PFKFB3: variants seen among roughly 807,000 people sequenced by gnomAD.
PFKFB3 encodes 6-phosphofructo-2-kinase/fructose-2,6-biphosphatase 3, also known as 6-phosphofructo-2-kinase/fructose-2,6-bisphosphatase 3.
PFKFB3 carries 33 observed loss-of-function variants against 68.0 expected under a neutral mutation model. That is an observed-to-expected ratio of 0.49 (90% CI 0.37 to 0.65). The LOEUF is 0.65. Among genes scored for constraint, PFKFB3 ranks in the 30% least tolerant of loss-of-function variants. PFKFB3 has a pLI of 0.00. For missense variants in PFKFB3, 586 were observed against 712.2 expected (o/e 0.82, Z 2.02); for synonymous variants, 315 against 288.2 (o/e 1.09, Z -0.94).
At chr10:6,199,340 G>A (rs1843256908), upstream of PFKFB3, among the ~76,000 whole-genome samples, 1 of 152,194 alleles carries the variant, frequency 6.6e-6, no homozygotes. Context: ...GCATTTGGAA[G>A]CACTGGTAGG....
chr10:6,180,302 G>A (rs1842674317), intron 1 of PFKFB3, among the ~76,000 whole-genome samples: 1 of 152,216 alleles, frequency 6.6e-6, no homozygotes, highest in Non-Finnish European at 1.5e-5. Flanking sequence ...CAATCAGATT[G>A]AGGGGGACCA....
chr10:6,325,131 T>G, the PFKFB3 span, among the ~76,000 whole-genome samples: 1 of 152,066 alleles, frequency 6.6e-6, no homozygotes, highest in Non-Finnish European at 1.5e-5. Flanking sequence ...AACTGCTAAT[T>G]TTTTGTATTT....
chr10:6,236,293 C>A (rs1400188557), downstream of PFKFB3, among the ~76,000 whole-genome samples: 3 of 152,226 alleles, frequency 2.0e-5, no homozygotes, highest in Admixed American at 6.5e-5. Flanking sequence ...TATTTCACTT[C>A]CAGCCTCAGC....
At chr10:6,196,849 C>A (rs1843188860) in intron 1 of PFKFB3, among the ~76,000 whole-genome samples, 1 of 152,154 alleles carries the variant, frequency 6.6e-6, no homozygotes, top group East Asian at 1.9e-4. Context: ...GCTATGTTGC[C>A]CAGGCTGGTC....
At chr10:6,200,849 A>G (rs997295782), upstream of PFKFB3, among the ~76,000 whole-genome samples, 1 of 151,978 alleles carries the variant, frequency 6.6e-6, no homozygotes, top group Admixed American at 6.6e-5. Flanking sequence ...CGGGACATCA[A>G]CTCCCTGTGC....
intron 1 of PFKFB3, among the ~76,000 whole-genome samples, chr10:6,195,107 A>G (rs1843141699): frequency 2.6e-5 from 4 of 152,076 alleles, no homozygotes; most frequent in Admixed American, 2.6e-4. Flanking sequence ...CCTGAGCTAA[A>G]GTGATCTGCC....
the PFKFB3 span, among the ~76,000 whole-genome samples, chr10:6,315,629 A>T: frequency 2.7e-3 from 413 of 152,222 alleles, 4 homozygotes; most frequent in African/African-American, 9.3e-3. Context: ...GATTATAGAC[A>T]TGCACCGCCA....
At chr10:6,199,891 C>G, upstream of PFKFB3, among the ~76,000 whole-genome samples, 1 of 151,850 alleles carries the variant, frequency 6.6e-6, no homozygotes, top group South Asian at 2.1e-4. Context: ...CTCAATTGTT[C>G]TAGGTGAGTC....
chr10:6,200,997 A>T (rs979086748), upstream of PFKFB3, among the ~76,000 whole-genome samples: 1 of 152,182 alleles, frequency 6.6e-6, no homozygotes, highest in African/African-American at 2.4e-5. Flanking sequence ...GGAGTGTGGA[A>T]GAAGGCCCCC....
intron 1 of PFKFB3, among the ~76,000 whole-genome samples, chr10:6,205,933 GACTA>G (rs959991578): frequency 6.6e-6 from 1 of 151,662 alleles, no homozygotes; most frequent in Non-Finnish European, 1.5e-5. Flanking sequence ...CAGTAGCCGG[GACTA>G]TAAGTGTGCA....
the PFKFB3 span, among the ~76,000 whole-genome samples, chr10:6,283,551 G>GATGGAGGCTT: frequency 3.3e-5 from 5 of 152,286 alleles, no homozygotes; most frequent in Admixed American, 6.5e-5. Flanking sequence ...GATGGAGGCT[G>GATGGAGGCTT]GAAGACTCAG....
At chr10:6,180,803 T>C (rs1842691124) in intron 1 of PFKFB3, among the ~76,000 whole-genome samples, 1 of 152,180 alleles carries the variant, frequency 6.6e-6, no homozygotes, top group South Asian at 2.1e-4. Context: ...TGCAATTCTG[T>C]GTTCTGAGTG....
chr10:6,295,854 G>A, the PFKFB3 span, among the ~76,000 whole-genome samples: 1 of 152,164 alleles, frequency 6.6e-6, no homozygotes, highest in African/African-American at 2.4e-5. Flanking sequence ...ATGGAGACCT[G>A]GTGGAATTCC....
upstream of PFKFB3, among the ~76,000 whole-genome samples, chr10:6,198,489 ATAAT>A (rs962202987): frequency 2.0e-5 from 3 of 152,158 alleles, no homozygotes; most frequent in Non-Finnish European, 4.4e-5. Flanking sequence ...TAGAAAAATA[ATAAT>A]TTTTTTTGAG....
At chr10:6,251,643 G>A (rs1846383949) in intron 14 of PFKFB3, among the ~76,000 whole-genome samples, 1 of 152,144 alleles carries the variant, frequency 6.6e-6, no homozygotes, top group African/African-American at 2.4e-5. Flanking sequence ...GCAGAGAGGA[G>A]GGCAGTGTCA....
Position 6,202,934 on chromosome 10 carries a change from C to T in PFKFB3, c.-327C>T. 1 of 1,222,422 alleles carries T rather than the reference C, an allele frequency of 8.2e-7. No homozygotes were observed. Among genetic ancestry groups the T allele is most frequent in the Middle Eastern group, 3.3e-4 (1 of 3,058 alleles). 75.7% of individuals were successfully genotyped at this position (1,222,422 alleles called of 1,614,324 possible). A position where few individuals can be genotyped will look rare whatever the true frequency, so the allele number is the denominator to read the frequency against. ...GCCGGCGGTGCGCGGGGCATCCCAGCCAAGCCGGAGAGGAGGCGAGCAGCA... is the reference window on the plus strand; with the variant it reads ...GCCGGCGGTGCGCGGGGCATCCCAGTCAAGCCGGAGAGGAGGCGAGCAGCA... On this transcript the variant is annotated 5_prime_UTR_variant, in exon 1 of 15. Coordinates refer to ENST00000379775, the MANE Select transcript of PFKFB3 (RefSeq NM_004566.4).
chr10:6,157,459 C>T (rs1450798515), intron 1 of PFKFB3, among the ~76,000 whole-genome samples: 1 of 152,168 alleles, frequency 6.6e-6, no homozygotes, highest in Non-Finnish European at 1.5e-5. Flanking sequence ...ATCTCCTGAC[C>T]TCGTGATCCG....
chr10:6,264,859 GTCTC>G, the PFKFB3 span, among the ~76,000 whole-genome samples: 3 of 152,070 alleles, frequency 2.0e-5, no homozygotes, highest in Non-Finnish European at 4.4e-5. Flanking sequence ...AACAAAGAGA[GTCTC>G]TCATATAACC....
downstream of PFKFB3, among the ~76,000 whole-genome samples, chr10:6,239,498 G>A (rs1846093663): frequency 6.6e-6 from 1 of 152,166 alleles, no homozygotes; most frequent in African/African-American, 2.4e-5. Flanking sequence ...CTGGGGCTGT[G>A]GAGAGGTTTG....
Sources: gnomAD v4.1 joint callset for allele counts (sites outside exome capture counted in the v4.1 genomes callset) on GRCh38, gnomAD v4.1.1 for gene constraint, MANE v1.5 for transcripts, NCBI Gene and HGNC (gene_info 2026-07-23, HGNC 2026-07-21) for gene names.